CLVS1: variants seen among roughly 807,000 people sequenced by gnomAD.
CLVS1 encodes clavesin 1.
A neutral mutation model predicts 33.1 loss-of-function variants in CLVS1; 10 were observed. The observed-to-expected ratio is 0.30, with a 90% CI of 0.19 to 0.51. The LOEUF (loss-of-function observed/expected upper bound fraction) is 0.51, where lower values mean the gene tolerates loss of function less well. Among genes scored for constraint, CLVS1 ranks in the 20% least tolerant of loss-of-function variants. The pLI is 0.97. For missense variants in CLVS1, 343 were observed against 433.4 expected (o/e 0.79, Z 1.85); for synonymous variants, 163 against 166.1 (o/e 0.98, Z 0.14).
At chr8:61,082,217 C>A (rs762391360) in intron 1 of CLVS1, among the ~76,000 whole-genome samples, 1 of 151,802 alleles carries the variant, frequency 6.6e-6, no homozygotes, top group Non-Finnish European at 1.5e-5. Context: ...AAAGTCAGTG[C>A]GCTTAAAGAA....
At chr8:61,371,131 C>A (rs1813423322) in intron 2 of CLVS1, among the ~76,000 whole-genome samples, 1 of 152,144 alleles carries the variant, frequency 6.6e-6, no homozygotes, top group Admixed American at 6.5e-5. Flanking sequence ...AAAGCGTTCC[C>A]TTTTCACCAC....
chr8:61,138,049 A>T (rs181122780), intron 2 of CLVS1, among the ~76,000 whole-genome samples: 2 of 152,236 alleles, frequency 1.3e-5, no homozygotes, highest in Non-Finnish European at 1.5e-5. Flanking sequence ...CAAGTCAAGA[A>T]ACTCAGACCT....
At chr8:61,184,311 A>T (rs769933561) in intron 2 of CLVS1, among the ~76,000 whole-genome samples, 4 of 152,206 alleles carry the variant, frequency 2.6e-5, no homozygotes, top group Admixed American at 6.5e-5. Context: ...GGAGAAAGTG[A>T]GCATTTGTGC....
chr8:61,048,663 C>A, the CLVS1 span, among the ~76,000 whole-genome samples: 5 of 152,220 alleles, frequency 3.3e-5, no homozygotes, highest in Admixed American at 2.6e-4. Context: ...AAGGCAGGAC[C>A]TTTTGCATCA....
intron 2 of CLVS1, among the ~76,000 whole-genome samples, chr8:61,376,073 TA>T (rs769299626): frequency 1.3e-5 from 2 of 152,222 alleles, no homozygotes; most frequent in Non-Finnish European, 2.9e-5. Context: ...GAGTTGAAGC[TA>T]AAAAATAGCA....
intron 5 of CLVS1, among the ~76,000 whole-genome samples, chr8:61,486,284 A>G (rs545464639): frequency 6.6e-6 from 1 of 152,112 alleles, no homozygotes; most frequent in African/African-American, 2.4e-5. Context: ...GAGTCAGGCC[A>G]AAAATAAATG....
rs114725255 is a variant in CLVS1, at chr8:61,261,596, A to G, written c.-151-38081A>G. 2.9e-3 allele frequency among the ~76,000 whole-genome samples: 446 copies of G among 152,154 alleles called. 2 individuals are homozygous for G. Among genetic ancestry groups the G allele is most frequent in the African/African-American group, 0.01 (430 of 41,506 alleles). On this transcript the variant is annotated intron_variant, in intron 2 of 2. Transcript: ENST00000522621. ...AGTATTAGGAGGTGGAGCTTTGGGG[A>G]GGTGATTATATCAGGAGGGTAGAGC... is the stretch of plus-strand genomic sequence containing the variant.
At chr8:61,173,184 G>A (rs923612343) in intron 2 of CLVS1, among the ~76,000 whole-genome samples, 1 of 152,094 alleles carries the variant, frequency 6.6e-6, no homozygotes, top group Admixed American at 6.5e-5. Flanking sequence ...AAGTAGATAG[G>A]GTATTAGTGG....
At chr8:61,232,355 T>C (rs1429067066) in intron 2 of CLVS1, among the ~76,000 whole-genome samples, 1 of 152,024 alleles carries the variant, frequency 6.6e-6, no homozygotes, top group Non-Finnish European at 1.5e-5. Context: ...TTTAGGATAG[T>C]GTTAAGGTAC....
intron 1 of CLVS1, among the ~76,000 whole-genome samples, chr8:61,073,491 T>G (rs565130022): frequency 1.3e-5 from 2 of 152,234 alleles, no homozygotes; most frequent in African/African-American, 4.8e-5. Flanking sequence ...AAGTGGGCAG[T>G]GATTCTTTGT....
intron 1 of CLVS1, among the ~76,000 whole-genome samples, chr8:61,117,744 C>G (rs995387317): frequency 6.6e-6 from 1 of 152,172 alleles, no homozygotes; most frequent in Non-Finnish European, 1.5e-5. Flanking sequence ...GGTGGATAAG[C>G]TTTTTGATGT....
chr8:61,472,372 G>A (rs369209303), intron 5 of CLVS1, among the ~76,000 whole-genome samples: 6 of 151,752 alleles, frequency 4.0e-5, no homozygotes, highest in Non-Finnish European at 5.9e-5. Context: ...AAAGACATGG[G>A]GGGAGGAGAA....
intron 2 of CLVS1, chr8:61,202,621 G>A: frequency 2.0e-6 from 3 of 1,484,274 alleles, no homozygotes; most frequent in South Asian, 1.1e-5. Flanking sequence ...TTCCCTTGGG[G>A]GCTTTGAAAC....
intron 3 of CLVS1, among the ~76,000 whole-genome samples, chr8:61,427,858 T>C (rs1437752876): frequency 6.6e-6 from 1 of 152,234 alleles, no homozygotes; most frequent in Non-Finnish European, 1.5e-5. Flanking sequence ...AAACTAGCAG[T>C]TGGCACCTTT....
chr8:61,418,436 A>G (rs1815528335), intron 3 of CLVS1, among the ~76,000 whole-genome samples: 1 of 152,202 alleles, frequency 6.6e-6, no homozygotes, highest in Admixed American at 6.5e-5. Flanking sequence ...ACAAAGCCAA[A>G]TAAAAGCAAA....
At chr8:61,391,831 G>T (rs898808297) in intron 3 of CLVS1, among the ~76,000 whole-genome samples, 1 of 152,140 alleles carries the variant, frequency 6.6e-6, no homozygotes, top group African/African-American at 2.4e-5. Flanking sequence ...GGGAAAGTTT[G>T]TTCTAAAAGA....
chr8:61,311,948 C>T (rs1258345838), intron 2 of CLVS1, among the ~76,000 whole-genome samples: 1 of 152,184 alleles, frequency 6.6e-6, no homozygotes, highest in African/African-American at 2.4e-5. Context: ...GTAGAAAGGG[C>T]GTTTTAAAAA....
intron 1 of CLVS1, among the ~76,000 whole-genome samples, chr8:61,080,236 A>G (rs1334155850): frequency 1.3e-5 from 2 of 152,220 alleles, no homozygotes; most frequent in South Asian, 2.1e-4. Flanking sequence ...CGATAAAAAA[A>G]CACTATATAT....
At chr8:61,297,758 G>A (rs180866060) in intron 1 of CLVS1, among the ~76,000 whole-genome samples, 2 of 152,188 alleles carry the variant, frequency 1.3e-5, no homozygotes, top group Admixed American at 6.5e-5. Context: ...AGGAGAAGAT[G>A]GAGTAGAGAG....
Sources: gnomAD v4.1 joint callset for allele counts (sites outside exome capture counted in the v4.1 genomes callset) on GRCh38, gnomAD v4.1.1 for gene constraint, MANE v1.5 for transcripts, NCBI Gene and HGNC (gene_info 2026-07-23, HGNC 2026-07-21) for gene names.